The following ASDURF variants were observed in gnomAD, a reference collection of about 807,000 sequenced individuals.
ASDURF encodes the protein ASDURF protein.
Under a neutral mutation model 3.3 loss-of-function variants are expected in ASDURF, and 3 were observed. The ratio of observed to expected loss-of-function variants is 0.92; its 90% confidence interval spans 0.42 to 2.37. The LOEUF is 2.37. Ranked by LOEUF, ASDURF falls within the 30% of genes most tolerant of loss-of-function variation. The probability of loss-of-function intolerance (pLI) is 0.05; values close to 1 mark genes in which losing one functional copy is unlikely to be tolerated. For missense variants in ASDURF, 23 were observed against 25.4 expected (o/e 0.90, Z 0.21); for synonymous variants, 11 against 8.3 (o/e 1.32, Z -0.55).
rs577721510 is a variant in ASDURF, at chr2:189,662,360, C to T, written c.90+750C>T. 9.8e-5 allele frequency among the ~76,000 whole-genome samples: 15 copies of T among 152,352 alleles called. No homozygotes were observed. The South Asian group carries it at 3.1e-3, about 32-fold the overall frequency. On this transcript the variant is annotated intron_variant, in intron 1 of 3. Transcript: ENST00000607829. ...TGGTTCTGTCCCAAACTTACAATGA[C>T]ATCTTGGGCAAGTCTCTTTAATCTT...
intron 2 of ASDURF, among the ~76,000 whole-genome samples, chr2:189,664,454 G>C (rs2032740904): frequency 6.6e-6 from 1 of 152,174 alleles, no homozygotes; most frequent in Admixed American, 6.5e-5. Flanking sequence ...CTACTGCTTT[G>C]TGTATGGTTA....
At chr2:189,664,570 C>T (rs893311826) in intron 2 of ASDURF, among the ~76,000 whole-genome samples, 1 of 152,074 alleles carries the variant, frequency 6.6e-6, no homozygotes, top group African/African-American at 2.4e-5. Context: ...CTGATATTGT[C>T]ACTTATGGAA....
At chr2:189,665,584 TTA>T (rs1289542564) in intron 3 of ASDURF, 133 bp downstream of exon 3, 106 of 140,476 alleles carry the variant, frequency 7.5e-4, no homozygotes, top group African/African-American at 3.3e-3. Flanking sequence ...GAGTCAACAG[TTA>T]TATATATATG....
chr2:189,666,001 T>G (rs1249749701), intron 3 of ASDURF, 40 bp from the exon 4 acceptor site: 1 of 1,068,948 alleles, frequency 9.4e-7, no homozygotes, highest in Non-Finnish European at 1.3e-6. Context: ...GTCCAAGAAT[T>G]TTTATGTTAT....
chr2:189,664,369 T>C (rs1176488448), intron 2 of ASDURF, among the ~76,000 whole-genome samples: 1 of 152,190 alleles, frequency 6.6e-6, no homozygotes, highest in Non-Finnish European at 1.5e-5. Context: ...TCCAAAAAAT[T>C]TTTACATAGA....
rs1436425628 is a variant in ASDURF, at chr2:189,662,013, A to T, written c.90+403A>T. Among the ~76,000 whole-genome samples, 98 of 152,076 alleles carry T rather than the reference A, an allele frequency of 6.4e-4. 1 individual carries two copies. The highest frequency in any genetic ancestry group is 2.9e-5 in the Non-Finnish European group (2 of 68,010). Reference sequence around the variant, plus strand: ...TGGAAGCCTATCAGTTCTACCTTTGAAGCTCATTTCAAATATGTCCCTTTA... The same window carrying T: ...TGGAAGCCTATCAGTTCTACCTTTGTAGCTCATTTCAAATATGTCCCTTTA... On this transcript the variant is annotated intron_variant, in intron 1 of 3. Transcript: ENST00000607829.
rs867373246 is a variant in ASDURF at position 189,665,636 on chromosome 2, A to G, written c.220+185A>G. Among the ~76,000 whole-genome samples the G allele has an allele frequency of 7.2e-3, 799 of 110,374 alleles. 22 individuals carry two copies. Among genetic ancestry groups the G allele is most frequent in the African/African-American group, 0.025 (767 of 31,068 alleles). 72.4% of individuals were successfully genotyped at this position (110,374 alleles called of 152,430 possible). A position where few individuals can be genotyped will look rare whatever the true frequency, so the allele number is the denominator to read the frequency against. The stretch of plus-strand genomic sequence containing the variant: ...TATATATATATATATATATATATAT[A>G]TATATATATATTATAAATGTTTTAG... On this transcript the variant is annotated intron_variant, in intron 3 of 3. Coordinates refer to ENST00000607829, the MANE Select transcript of ASDURF (RefSeq NM_001353493.2).
At chr2:189,665,603 T>C (rs1234923228) in intron 3 of ASDURF, among the ~76,000 whole-genome samples, 152 bp downstream of exon 3, 3 of 4,188 alleles carry the variant, frequency 7.2e-4, no homozygotes, top group African/African-American at 1.5e-3. Flanking sequence ...TATGTGTATA[T>C]ATATATATAT....
At chr2:189,665,710 T>A (rs2032786772) in intron 3 of ASDURF, among the ~76,000 whole-genome samples, 1 of 149,194 alleles carries the variant, frequency 6.7e-6, no homozygotes, top group African/African-American at 2.5e-5. Flanking sequence ...CAGGTCTAAG[T>A]ATGACAAACC....
intron 1 of ASDURF, among the ~76,000 whole-genome samples, chr2:189,662,327 T>G (rs1473730795): frequency 1.3e-5 from 2 of 152,226 alleles, no homozygotes; most frequent in African/African-American, 4.8e-5. Context: ...ATGTCCTAGA[T>G]TCTACTTTGG....
Position 189,666,270 on chromosome 2 carries a change from GTGT to G in ASDURF, c.*161_*163del. Reference sequence around the variant, plus strand: ...TGTTAAAGTCTGATGTTAACTACCAGTGTTTATTTTCTGCTCACGTCCTACACT... The same window carrying G: ...TGTTAAAGTCTGATGTTAACTACCAGTTATTTTCTGCTCACGTCCTACACT... On this transcript the variant is annotated 3_prime_UTR_variant, in exon 4 of 4. Coordinates refer to ENST00000607829, the MANE Select transcript of ASDURF (RefSeq NM_001353493.2). 1 of 1,614,142 alleles carries G rather than the reference GTGT, an allele frequency of 6.2e-7. No homozygotes were observed. Among genetic ancestry groups the G allele is most frequent in the Non-Finnish European group, 8.5e-7 (1 of 1,180,016 alleles).
chr2:189,665,545 G>T, intron 3 of ASDURF, 94 bp downstream of exon 3: 1 of 321,992 alleles, frequency 3.1e-6, no homozygotes, highest in South Asian at 1.5e-4. Context: ...GCAGCAGTTT[G>T]ATTTTCTTCA....
intron 1 of ASDURF, among the ~76,000 whole-genome samples, chr2:189,663,328 A>G (rs964276938): frequency 6.6e-6 from 1 of 152,186 alleles, no homozygotes; most frequent in East Asian, 1.9e-4. Context: ...ATCTTGGCTC[A>G]CTGCAGCCTC....
chr2:189,665,602 A>AAC (rs1559034401), intron 3 of ASDURF, among the ~76,000 whole-genome samples, 151 bp downstream of exon 3: 2 of 7,648 alleles, frequency 2.6e-4, no homozygotes, highest in African/African-American at 9.0e-4. Flanking sequence ...ATATGTGTAT[A>AAC]TATATATATA....
rs138125876 is a variant in ASDURF, at chr2:189,662,048, A to T, written c.90+438A>T. On this transcript the variant is annotated intron_variant, in intron 1 of 3. Coordinates refer to ENST00000607829, the MANE Select transcript of ASDURF (RefSeq NM_001353493.2). Reference sequence around the variant, plus strand: ...CAAATATGTCCCTTTATCACCGTGAACACTCTTACCACCCCAAATAAGCCA... The same window carrying T: ...CAAATATGTCCCTTTATCACCGTGATCACTCTTACCACCCCAAATAAGCCA... 8.9e-3 allele frequency among the ~76,000 whole-genome samples: 1,351 copies of T among 152,228 alleles called. 21 individuals carry two copies. Among genetic ancestry groups the T allele is most frequent in the African/African-American group, 0.031 (1,290 of 41,542 alleles).
chr2:189,661,935 C>T (rs2032674737), intron 1 of ASDURF, among the ~76,000 whole-genome samples: 1 of 152,178 alleles, frequency 6.6e-6, no homozygotes. Context: ...CAAAGATATT[C>T]TCCATCCAGT....
chr2:189,663,246 A>T (rs9679052), intron 1 of ASDURF, among the ~76,000 whole-genome samples: 149,270 of 151,524 alleles, frequency 0.99, 73,568 homozygotes, highest in South Asian at 1. Context: ...TATATTTTTT[A>T]AATTATTTAT....
chr2:189,663,471 T>A (rs2032717438), intron 1 of ASDURF, among the ~76,000 whole-genome samples: 1 of 152,222 alleles, frequency 6.6e-6, no homozygotes, highest in Non-Finnish European at 1.5e-5. Flanking sequence ...CAGGCTGGTC[T>A]CGAACTCCCG....
intron 2 of ASDURF, 38 bp downstream of exon 2, chr2:189,663,992 G>A (rs752673155): frequency 9.5e-5 from 36 of 379,970 alleles, no homozygotes; most frequent in Non-Finnish European, 1.0e-4. Context: ...TATGTGGGAG[G>A]TTTATTTATG....
Sources: gnomAD v4.1 joint callset for allele counts (sites outside exome capture counted in the v4.1 genomes callset) on GRCh38, gnomAD v4.1.1 for gene constraint, MANE v1.5 for transcripts, NCBI Gene and HGNC (gene_info 2026-07-23, HGNC 2026-07-21) for gene names.